Variants in FGF1 observed in about 807,000 individuals in gnomAD.
FGF1 encodes beta-endothelial cell growth factor.
A neutral mutation model predicts 13.4 loss-of-function variants in FGF1; 9 were observed. The ratio of observed to expected loss-of-function variants is 0.67; its 90% CI spans 0.40 to 1.17. The LOEUF (loss-of-function observed/expected upper bound fraction) is 1.17. Among genes scored for constraint, FGF1 ranks in the 50% most tolerant of loss-of-function variants. FGF1 has a pLI of 0.01. For synonymous variants in FGF1, 93 were observed against 79.0 expected (o/e 1.18, Z -0.94); for missense variants, 156 against 192.7 (o/e 0.81, Z 1.13).
chr5:142,640,559 C>T (rs1765035253), intron 1 of FGF1, among the ~76,000 whole-genome samples: 1 of 151,908 alleles, frequency 6.6e-6, no homozygotes, highest in African/African-American at 2.4e-5. Context: ...GGGAGATGGC[C>T]TGTCTCAGAG....
At chr5:142,606,123 C>G (rs966982818) in intron 2 of FGF1, among the ~76,000 whole-genome samples, 1 of 151,920 alleles carries the variant, frequency 6.6e-6, no homozygotes, top group Non-Finnish European at 1.5e-5. Flanking sequence ...GACAAATGAA[C>G]CTGGGAGTGA....
intron 1 of FGF1, among the ~76,000 whole-genome samples, chr5:142,643,682 C>T (rs190047268): frequency 4.1e-4 from 63 of 152,278 alleles, no homozygotes; most frequent in African/African-American, 1.4e-3. Context: ...GGCTTCCTTC[C>T]GATCGCTTAT....
chr5:142,614,476 C>T (rs537265007), intron 1 of FGF1, among the ~76,000 whole-genome samples: 1 of 152,276 alleles, frequency 6.6e-6, no homozygotes, highest in Admixed American at 6.5e-5. Context: ...TTGGTCCCTC[C>T]TTCTGGTCCA....
intron 2 of FGF1, among the ~76,000 whole-genome samples, chr5:142,696,546 T>C (rs1264701681): frequency 6.6e-6 from 1 of 152,120 alleles, no homozygotes; most frequent in Non-Finnish European, 1.5e-5. Flanking sequence ...GCTGTGCTAG[T>C]AGGATGTCAG....
At position 142,594,718 on chromosome 5, in the gene FGF1, C is replaced by G. The variant is rs901924630; in HGVS notation, c.*572G>C. ...ATTTATTCTACATGGAGATGCCATC[C>G]TTCTAAGTTACCCACCAAAATCCAA... is the stretch of plus-strand genomic sequence containing the variant. On this transcript the variant is annotated 3_prime_UTR_variant, in exon 4 of 4. Transcript: ENST00000337706. The G allele has an allele frequency of 3.3e-5, 5 of 152,310 alleles. No homozygotes were observed. The highest frequency in any genetic ancestry group is 1.2e-4 in the African/African-American group (5 of 41,456). The allele number at this position is 152,310 out of a possible 1,614,324, so 9.4% of individuals were successfully genotyped here. A position where few individuals can be genotyped will look rare whatever the true frequency, so the allele number is the denominator to read the frequency against.
chr5:142,693,812 G>A (rs1752627273), intron 2 of FGF1, among the ~76,000 whole-genome samples: 1 of 152,226 alleles, frequency 6.6e-6, no homozygotes, highest in African/African-American at 2.4e-5. Flanking sequence ...TTAGTGTGAT[G>A]TCCTCAAGGT....
chr5:142,673,203 G>A (rs888237121), intron 1 of FGF1, among the ~76,000 whole-genome samples: 7 of 152,164 alleles, frequency 4.6e-5, no homozygotes, highest in Non-Finnish European at 4.4e-5. Flanking sequence ...AGTTTTGCAG[G>A]TGAGTGGCAT....
intron 1 of FGF1, among the ~76,000 whole-genome samples, chr5:142,651,865 A>G (rs1464140960): frequency 2.0e-5 from 3 of 148,354 alleles, no homozygotes; most frequent in African/African-American, 7.5e-5. Context: ...ATATTCCACC[A>G]TGTGGACACT....
intron 2 of FGF1, among the ~76,000 whole-genome samples, chr5:142,610,953 A>T (rs1284027529): frequency 6.6e-6 from 1 of 152,142 alleles, no homozygotes; most frequent in Non-Finnish European, 1.5e-5. Flanking sequence ...CCGTGAAAGG[A>T]GTTATTTCTG....
rs545800078 is a variant in FGF1 at position 142,614,089 on chromosome 5, G to C, written c.39C>G (p.Thr13=). 1 of 1,614,170 alleles carries C rather than the reference G, an allele frequency of 6.2e-7. No homozygotes were observed. Among genetic ancestry groups the C allele is most frequent in the East Asian group, 2.2e-5 (1 of 44,882 alleles). ...EGEITTFTAL[T]EKFNLPPGNY... is the part of the protein sequence containing the mutation. The stretch of plus-strand genomic sequence containing the variant: ...TCCCTGGAGGCAGATTAAACTTCTC[G>C]GTCAGGGCTGTGAAGGTGGTGATTT... The change falls in exon 2 of 4, where the codon ACC becomes ACG. Residue 13 remains threonine (T), a synonymous_variant. Transcript: ENST00000337706.
In FGF1 at chr5:142,593,036, G is replaced by A. The variant is rs1754579848; in HGVS notation, c.*2254C>T. 1 of 152,186 alleles carries A rather than the reference G, an allele frequency of 6.6e-6. No homozygotes were observed. The allele number at this position is 152,186 out of a possible 1,614,324, so 9.4% of individuals were successfully genotyped here. ...CTTAATAGTCATTGAACAGATATAT[G>A]AATGATATCTGGGCTGAGATGGTCG... is the stretch of plus-strand genomic sequence containing the variant. On this transcript the variant is annotated 3_prime_UTR_variant, in exon 4 of 4. Coordinates refer to ENST00000337706, the MANE Select transcript of FGF1 (RefSeq NM_000800.5).
At chr5:142,609,349 TG>T (rs1476387334) in intron 2 of FGF1, among the ~76,000 whole-genome samples, 3 of 152,182 alleles carry the variant, frequency 2.0e-5, no homozygotes, top group Admixed American at 2.0e-4. Context: ...GTTGTGGGTG[TG>T]GCAGGCAGCT....
intron 2 of FGF1, among the ~76,000 whole-genome samples, chr5:142,697,440 A>G (rs937954057): frequency 4.6e-5 from 7 of 152,176 alleles, no homozygotes; most frequent in African/African-American, 1.2e-4. Flanking sequence ...TGAATGAGAG[A>G]AGGCAGTACA....
intron 1 of FGF1, among the ~76,000 whole-genome samples, chr5:142,663,412 A>G (rs1769660222): frequency 6.6e-6 from 1 of 152,232 alleles, no homozygotes; most frequent in South Asian, 2.1e-4. Context: ...GTGACAGGGA[A>G]GTCTTTGAGA....
At chr5:142,682,187 G>A (rs919584049) in intron 1 of FGF1, among the ~76,000 whole-genome samples, 7 of 151,824 alleles carry the variant, frequency 4.6e-5, no homozygotes, top group African/African-American at 1.7e-4. Flanking sequence ...CCAGGTTCAA[G>A]TGATTCTCCT....
rs772039892 is a variant in FGF1, at chr5:142,592,237, G to A, written c.*3053C>T. The A allele has an allele frequency of 3.0e-5, 12 of 397,604 alleles. No individual in the cohort carries two copies. Among genetic ancestry groups the A allele is most frequent in the Non-Finnish European group, 5.3e-5 (12 of 225,754 alleles). 24.6% of individuals were successfully genotyped at this position (397,604 alleles called of 1,614,324 possible). A position where few individuals can be genotyped will look rare whatever the true frequency, so the allele number is the denominator to read the frequency against. Reference sequence around the variant, plus strand: ...AGGTGCAGACTATGATACACAAAAAGACAGTGATGTGAAATAACAGGCATC... The same window carrying A: ...AGGTGCAGACTATGATACACAAAAAAACAGTGATGTGAAATAACAGGCATC... On this transcript the variant is annotated 3_prime_UTR_variant, in exon 4 of 4. Transcript: ENST00000337706.
chr5:142,673,793 T>C (rs747501888), intron 1 of FGF1, among the ~76,000 whole-genome samples: 1 of 152,180 alleles, frequency 6.6e-6, no homozygotes, highest in Admixed American at 6.5e-5. Flanking sequence ...AGAATATCAA[T>C]CTTCAGCGAG....
In FGF1 at chr5:142,652,853, C is replaced by T. The variant is rs1278524716; in HGVS notation, c.-35+33104G>A. 3.9e-5 allele frequency among the ~76,000 whole-genome samples: 6 copies of T among 152,242 alleles called. No individual in the cohort carries two copies. In the East Asian group the frequency reaches 1.2e-3, roughly 29 times the overall value. On this transcript the variant is annotated intron_variant, in intron 1 of 3. Coordinates refer to ENST00000337706, the MANE Select transcript of FGF1 (RefSeq NM_000800.5). ...GGCTCATGCTGGGCACATCTGCTCA[C>T]TCACTCCCTGTCCCCTCCACTTCCT...
In FGF1 at chr5:142,656,635, G is replaced by A. The variant is rs369973692; in HGVS notation, c.-35+29322C>T. ...GTAATAGTGAAAATTTGGAAACAAT[G>A]TTGCTTCAGAATGGAGTGATAAAAT... On this transcript the variant is annotated intron_variant, in intron 1 of 3. Transcript: ENST00000337706. 3.5e-4 allele frequency among the ~76,000 whole-genome samples: 54 copies of A among 152,324 alleles called. No individual in the cohort carries two copies. The East Asian group carries it at 6.0e-3, about 17-fold the overall frequency.
Sources: allele counts gnomAD v4.1 joint callset (sites outside exome capture counted in the v4.1 genomes callset), GRCh38; gene constraint gnomAD v4.1.1; transcripts MANE v1.5; gene names NCBI Gene and HGNC (gene_info 2026-07-23, HGNC 2026-07-21).